The following NEB variants were observed in gnomAD, a reference collection of about 807,000 sequenced individuals.
NEB encodes the protein nemaline myopathy type 2.
NEB carries 512 observed loss-of-function variants against 952.2 expected under a neutral mutation model. That is an observed-to-expected ratio of 0.54 (90% CI 0.50 to 0.58). NEB has a LOEUF of 0.58. NEB is among the 20% of genes least tolerant of loss of function. NEB has a pLI of 0.00. For synonymous variants in NEB, 2,900 were observed against 3,149.8 expected (o/e 0.92, Z 2.66); for missense variants, 8,428 against 9,231.1 (o/e 0.91, Z 3.56).
chr2:151,680,615 G>T, intron 30 of NEB, 115 bp downstream of exon 30: 1 of 700,782 alleles, frequency 1.4e-6, no homozygotes, highest in Non-Finnish European at 2.4e-6. Context: ...ACAGATGCTT[G>T]TGTAATTGGG....
chr2:151,643,151 T>C lies in NEB; in HGVS notation c.8159A>G (p.His2720Arg), dbSNP rs543770578. The change falls in exon 58 of 182, where the codon CAT (histidine) becomes CGT (arginine). Residue 2720 changes from histidine to arginine, a missense_variant and splice_region_variant. His to Arg is a conservative substitution (Grantham distance 29, BLOSUM62 0). This residue lies in a region of NEB where 1,772 missense variants were observed against 1,960.3 expected (regional missense o/e 0.90). Coordinates refer to ENST00000397345, the MANE Select transcript of NEB (RefSeq NM_001164508.2). ...TCCTCAAACAAACATAGGACTTACA[T>C]GATTCATGGTAATAGCATTGTTTTT... is the stretch of plus-strand genomic sequence containing the variant. ...LAKNNAITMN[H>R]RLYTEAWDKD... 6.2e-7 allele frequency: 1 copy of C among 1,609,968 alleles called. No homozygotes were observed. The highest frequency in any genetic ancestry group is 1.3e-5 in the African/African-American group (1 of 74,980).
chr2:151,719,923 AT>A (rs1476560195), intron 9 of NEB, among the ~76,000 whole-genome samples: 1 of 149,038 alleles, frequency 6.7e-6, no homozygotes, highest in Non-Finnish European at 1.5e-5. Flanking sequence ...TGAAGACTTC[AT>A]TTTAGGCATA....
At position 151,494,207 on chromosome 2, in the gene NEB, G is replaced by A. The variant is rs1378323203; in HGVS notation, c.24533C>T (p.Thr8178Ile). ...GCGTTTGACTCTCTGCATCTCAGGA[G>A]TGACAGGGGTTGCGGTGGCTTTCCC... The part of the protein sequence containing the change: ...NVGKATATPV[T>I]PEMQRVKRNQ... Residue 8178 changes from threonine to isoleucine, a missense_variant, in exon 174 of 182, where the codon ACT becomes ATT. Coordinates refer to ENST00000397345, the MANE Select transcript of NEB (RefSeq NM_001164508.2). 1 of 1,608,222 alleles carries A rather than the reference G, an allele frequency of 6.2e-7. No homozygotes were observed. Among genetic ancestry groups the A allele is most frequent in the African/African-American group, 1.3e-5 (1 of 74,878 alleles).
In NEB at chr2:151,655,292, T is replaced by C. The variant is rs1412246532; in HGVS notation, c.6785A>G (p.Gln2262Arg). 1 of 1,589,028 alleles carries C rather than the reference T, an allele frequency of 6.3e-7. No individual in the cohort carries two copies. The highest frequency in any genetic ancestry group is 1.7e-5 in the Admixed American group (1 of 59,786). ...TACCTGACTATACAGTGTTTGATTC[T>C]GCTTGGCTTGTAAAATATCTGGTGT... ...PDTPDILQAK[Q>R]NQTLYSQKLY... The change falls in exon 51 of 182, where the codon CAG (glutamine) becomes CGG (arginine). Residue 2262 changes from glutamine to arginine, a missense_variant. Gln to Arg is a conservative substitution (Grantham distance 43). This residue lies in a region of NEB where 2,851 missense variants were observed against 2,791.5 expected (regional missense o/e 1.02). Transcript: ENST00000397345.
chr2:151,538,239 G>A lies in NEB; in HGVS notation c.20898C>T (p.Arg6966=), dbSNP rs1238503194. ...KRAYWNASDL[R]YKETFQKTKG... is the part of the protein sequence containing the mutation. ...TGGTCTTTTGAAATGTTTCTTTGTA[G>A]CGTAGCTAGAAAGAGAAAAAACACA... is the stretch of plus-strand genomic sequence containing the variant. The change falls in exon 139 of 182, where the codon CGC becomes CGT. Residue 6966 remains arginine (R), a synonymous_variant. Transcript: ENST00000397345. 12 of 1,608,118 alleles carry A rather than the reference G, an allele frequency of 7.5e-6. No individual in the cohort carries two copies. Among genetic ancestry groups the A allele is most frequent in the Non-Finnish European group, 1.0e-5 (12 of 1,174,848 alleles).
At chr2:151,677,795 G>T in intron 33 of NEB, 24 bp from the exon 34 acceptor site, 1 of 1,613,542 alleles carries the variant, frequency 6.2e-7, no homozygotes, top group Non-Finnish European at 8.5e-7. Flanking sequence ...GAAAAGAGGA[G>T]TGAGGGCCTA....
At chr2:151,702,766 C>A (rs2099680730) in intron 13 of NEB, among the ~76,000 whole-genome samples, 2 of 152,150 alleles carry the variant, frequency 1.3e-5, no homozygotes, top group Admixed American at 6.6e-5. Context: ...TGTGTCTCTG[C>A]ACGTGAGTTG....
At chr2:151,509,556 G>A (rs1270358272) in intron 161 of NEB, among the ~76,000 whole-genome samples, 1 of 152,154 alleles carries the variant, frequency 6.6e-6, no homozygotes, top group African/African-American at 2.4e-5. Context: ...TTGAGGGTTG[G>A]ACTGCTATTT....
intron 174 of NEB, 32 bp from the exon 175 acceptor site, chr2:151,493,899 C>A: frequency 7.2e-7 from 1 of 1,383,704 alleles, no homozygotes; most frequent in Non-Finnish European, 9.9e-7. Flanking sequence ...CCGAAAGTCA[C>A]TACGAGGTAA....
At chr2:151,641,328 T>G (rs1019020440) in intron 60 of NEB, among the ~76,000 whole-genome samples, 1 of 152,070 alleles carries the variant, frequency 6.6e-6, no homozygotes, top group African/African-American at 2.4e-5. Flanking sequence ...CTGTTTTTTT[T>G]GTTTTGTTTT....
In NEB at chr2:151,684,791, G is replaced by A. The variant is rs765478068; in HGVS notation, c.2822C>T (p.Ala941Val). 27 of 1,606,868 alleles carry A rather than the reference G, an allele frequency of 1.7e-5. No homozygotes were observed. The highest frequency in any genetic ancestry group is 2.2e-5 in the East Asian group (1 of 44,788). Reference protein sequence around the residue: ...INVDLAKKAYALQSDVEYKAD... With the variant: ...INVDLAKKAYVLQSDVEYKAD... ...CTGGTTACTCACATCGCTCTGCAGC[G>A]CATATGCCTTCTTGGCAAGGTCCAC... Residue 941 changes from alanine to valine, a missense_variant, in exon 28 of 182, where the codon GCG becomes GTG. Physicochemically the swap from Ala to Val is moderately conservative, Grantham distance 64. Coordinates refer to ENST00000397345, the MANE Select transcript of NEB (RefSeq NM_001164508.2).
Position 151,569,165 on chromosome 2 carries a change from G to A in NEB, c.17535+103C>T. 4 of 933,384 alleles carry A rather than the reference G, an allele frequency of 4.3e-6. No individual in the cohort carries two copies. In the Admixed American group the frequency reaches 6.2e-5, roughly 14 times the overall value. The allele number at this position is 933,384 out of a possible 1,614,324, so 57.8% of individuals were successfully genotyped here. On this transcript the variant is annotated intron_variant, in intron 110 of 181. Transcript: ENST00000397345. Reference sequence around the variant, plus strand: ...ATGCTCAGTTTAAATCACAGCAATTGAAATGGTTAAGATTGCTGATATTAG... The same window carrying A: ...ATGCTCAGTTTAAATCACAGCAATTAAAATGGTTAAGATTGCTGATATTAG...
At chr2:151,639,770 C>T in intron 62 of NEB, 87 bp downstream of exon 62, 1 of 1,186,808 alleles carries the variant, frequency 8.4e-7, no homozygotes, top group Non-Finnish European at 1.2e-6. Context: ...TTTTATTACT[C>T]AATGTTCTTT....
In NEB at chr2:151,612,406, G is replaced by C. The variant is rs1383240433; in HGVS notation, c.11602-17C>G. 6.2e-6 allele frequency: 10 copies of C among 1,605,332 alleles called. No individual in the cohort carries two copies. The Admixed American group carries it at 1.3e-4, about 21-fold the overall frequency. On this transcript the variant is annotated splice_polypyrimidine_tract_variant and intron_variant, in intron 77 of 181. Transcript: ENST00000397345. ...GTAAATAGCCTGAAAATGAAATAATGTCAAATATTTATAGATGTCACCTAG... is the reference window on the plus strand; with the variant it reads ...GTAAATAGCCTGAAAATGAAATAATCTCAAATATTTATAGATGTCACCTAG...
chr2:151,560,982 G>A (rs754222404), intron 123 of NEB, 22 bp downstream of exon 123: 8 of 1,467,222 alleles, frequency 5.5e-6, no homozygotes, highest in Non-Finnish European at 6.6e-6. Flanking sequence ...CATATATAAG[G>A]GGGAAAAAAA....
Position 151,561,092 on chromosome 2 carries a change from T to A in NEB, c.19118A>T (p.Asn6373Ile), listed in dbSNP as rs745641069. The A allele has an allele frequency of 3.8e-6, 6 of 1,592,332 alleles. No individual in the cohort carries two copies. Among genetic ancestry groups the A allele is most frequent in the Non-Finnish European group, 4.3e-6 (5 of 1,166,688 alleles). Residue 6373 changes from asparagine to isoleucine, a missense_variant, in exon 123 of 182, where the codon AAT becomes ATT. By Grantham distance (149) the Asn-to-Ile change is moderately radical (BLOSUM62 -3). Around this residue, in one of 11 missense-constraint regions of NEB, gnomAD observed 3,374 missense variants for 3,651.5 expected, o/e 0.92. Transcript: ENST00000397345. ...GTATTTGTCCTTAATCTGATGATAA[T>A]TTTCTTTATATTTTACCTGTAGACA... is the stretch of plus-strand genomic sequence containing the variant. ...INASEVKYKE[N>I]YHQIKDKYTT...
Position 151,518,393 on chromosome 2 carries a change from A to T in NEB, c.22725T>A (p.Ser7575Arg). 1 of 1,610,792 alleles carries T rather than the reference A, an allele frequency of 6.2e-7. No individual in the cohort carries two copies. Among genetic ancestry groups the T allele is most frequent in the Non-Finnish European group, 8.5e-7 (1 of 1,177,306 alleles). Residue 7575 changes from serine to arginine, a missense_variant, in exon 156 of 182, where the codon AGT (serine) becomes AGA (arginine). Ser to Arg is a moderately radical substitution (Grantham distance 110). This residue lies in a region of NEB where 3,374 missense variants were observed against 3,651.5 expected (regional missense o/e 0.92). Transcript: ENST00000397345. Reference protein sequence around the residue: ...SYQYKKKYEKSKGHYHTIPDN... With the variant: ...SYQYKKKYEKRKGHYHTIPDN... ...CGGGTATGGTGTGGTAGTGGCCTTTACTCTTCTCATACTTCTTCTTGTACT... is the reference window on the plus strand; with the variant it reads ...CGGGTATGGTGTGGTAGTGGCCTTTTCTCTTCTCATACTTCTTCTTGTACT...
chr2:151,512,708 G>A, intron 161 of NEB, 25 bp downstream of exon 161: 1 of 1,503,636 alleles, frequency 6.7e-7, no homozygotes, highest in Non-Finnish European at 9.3e-7. Context: ...GGGTTTATGA[G>A]TGATGGCATG....
At position 151,506,898 on chromosome 2, in the gene NEB, A is replaced by G. The variant is rs2069511923; in HGVS notation, c.23556+11T>C. 1.9e-6 allele frequency: 3 copies of G among 1,547,720 alleles called. No individual in the cohort carries two copies. The East Asian group carries it at 6.8e-5, about 35-fold the overall frequency. On this transcript the variant is annotated intron_variant, in intron 163 of 181. Coordinates refer to ENST00000397345, the MANE Select transcript of NEB (RefSeq NM_001164508.2). ...GGTTAGCATTAAATGCAAAATAAAT[A>G]GTAAATATACCGAGCTGAAATTCTT...
Sources: allele counts gnomAD v4.1 joint callset (sites outside exome capture counted in the v4.1 genomes callset), GRCh38; gene constraint gnomAD v4.1.1; regional missense constraint gnomAD v4.1.1; transcripts MANE v1.5; gene names NCBI Gene and HGNC (gene_info 2026-07-23, HGNC 2026-07-21).